The following ZFR2 variants were observed in gnomAD, a reference collection of about 807,000 sequenced individuals.
ZFR2 encodes the protein zinc finger RNA binding protein 2, also known as zinc finger RNA-binding protein 2.
ZFR2 carries 104 observed loss-of-function variants against 105.7 expected under a neutral mutation model. The observed-to-expected ratio is 0.98, with a 90% confidence interval of 0.84 to 1.16. The LOEUF is 1.16. Ranked by LOEUF, ZFR2 falls within the 50% of genes most tolerant of loss-of-function variation. ZFR2 has a pLI of 0.00. For synonymous variants in ZFR2, 634 were observed against 597.7 expected (o/e 1.06, Z -0.89); for missense variants, 1,425 against 1,355.5 (o/e 1.05, Z -0.80).
At chr19:3,815,918 AT>A (rs1207356973) in intron 13 of ZFR2, among the ~76,000 whole-genome samples, 6 of 148,354 alleles carry the variant, frequency 4.0e-5, no homozygotes, top group African/African-American at 9.9e-5. Flanking sequence ...CGCCTGGCTA[AT>A]TTTTTTTTTG....
intron 1 of ZFR2, among the ~76,000 whole-genome samples, chr19:3,842,777 C>A (rs1045616381): frequency 6.6e-6 from 1 of 151,998 alleles, no homozygotes; most frequent in African/African-American, 2.4e-5. Flanking sequence ...GTGCACGCCA[C>A]CAAGCCCAAC....
intron 1 of ZFR2, among the ~76,000 whole-genome samples, chr19:3,841,738 G>C (rs2038135022): frequency 6.6e-6 from 1 of 151,832 alleles, no homozygotes; most frequent in African/African-American, 2.4e-5. Flanking sequence ...CCAGGAGTTT[G>C]AGGCTGCAGT....
At position 3,820,059 on chromosome 19, in the gene ZFR2, G is replaced by A. The variant is rs945816459; in HGVS notation, c.1740+123C>T. The A allele has an allele frequency of 1.6e-4, 154 of 952,454 alleles. No homozygotes were observed. In the African/African-American group the frequency reaches 2.2e-3, roughly 13 times the overall value. 59.0% of individuals were successfully genotyped at this position (952,454 alleles called of 1,614,324 possible). ...TGTGGAGTGAGGAGGCCTGGGCCAT[G>A]GAGCCCCATCCCCTGAGTACTATGT... On this transcript the variant is annotated intron_variant, in intron 11 of 18. Coordinates refer to ENST00000262961, the MANE Select transcript of ZFR2 (RefSeq NM_015174.2).
At chr19:3,809,584 C>T (rs1349816981) in intron 16 of ZFR2, among the ~76,000 whole-genome samples, 4 of 152,168 alleles carry the variant, frequency 2.6e-5, no homozygotes, top group Admixed American at 1.3e-4. Flanking sequence ...AGCCGCACAC[C>T]GGTCACCCAG....
chr19:3,810,949 G>A (rs1178588169), intron 15 of ZFR2, 104 bp from the exon 16 acceptor site: 1 of 1,265,288 alleles, frequency 7.9e-7, no homozygotes, highest in East Asian at 2.7e-5. Flanking sequence ...ATAATAGGGA[G>A]CCTGGCGGGC....
rs1398578296 is a variant in ZFR2, at chr19:3,831,673, G to A, written c.585C>T (p.Cys195=). 1.3e-6 allele frequency: 2 copies of A among 1,557,710 alleles called. No individual in the cohort carries two copies. The highest frequency in any genetic ancestry group is 2.3e-5 in the East Asian group (1 of 43,356). Residue 195 remains cysteine, a synonymous_variant, in exon 4 of 19, where the codon TGC becomes TGT. Transcript: ENST00000262961. ...SYPPPSYNPT[C]TAYTAPSYPN... The stretch of plus-strand genomic sequence containing the variant: ...CGCTGGTCTTACCCGTGTAGGCGGT[G>A]CAGGTGGGGTTGTAGGAGGGCGGGG...
intron 1 of ZFR2, among the ~76,000 whole-genome samples, chr19:3,846,575 T>C (rs1233018906): frequency 6.6e-6 from 1 of 152,174 alleles, no homozygotes; most frequent in Admixed American, 6.6e-5. Flanking sequence ...TAAAGACTGA[T>C]TAGTTACATA....
chr19:3,823,063 G>A lies in ZFR2; in HGVS notation c.1371+183C>T, dbSNP rs939108131. 1.1e-4 allele frequency among the ~76,000 whole-genome samples: 16 copies of A among 152,186 alleles called. No homozygotes were observed. Among genetic ancestry groups the A allele is most frequent in the Non-Finnish European group, 1.9e-4 (13 of 68,030 alleles). On this transcript the variant is annotated intron_variant, in intron 8 of 18. Transcript: ENST00000262961. This position sits in a 1 kb window ranked among gnomAD's most constrained non-coding sequence, Gnocchi z 5.4. ...TCATTTCCTGCTGATACCAAAATCCGGCACCCAAAGTGTCAAGCGGGTCTG... is the reference window on the plus strand; with the variant it reads ...TCATTTCCTGCTGATACCAAAATCCAGCACCCAAAGTGTCAAGCGGGTCTG...
intron 11 of ZFR2, 105 bp downstream of exon 11, chr19:3,820,077 T>C: frequency 2.7e-6 from 3 of 1,119,156 alleles, no homozygotes; most frequent in Non-Finnish European, 3.9e-6. Flanking sequence ...ATCCCCTGAG[T>C]ACTATGTGGG....
intron 1 of ZFR2, among the ~76,000 whole-genome samples, chr19:3,843,759 TGGGA>T (rs1354014169): frequency 2.1e-5 from 3 of 146,024 alleles, no homozygotes; most frequent in African/African-American, 7.6e-5. Context: ...GGCGTGAACC[TGGGA>T]GGCGGAGCTT....
intron 1 of ZFR2, among the ~76,000 whole-genome samples, chr19:3,863,090 C>T (rs1188383985): frequency 2.0e-5 from 3 of 152,182 alleles, no homozygotes; most frequent in East Asian, 1.9e-4. Context: ...GCTCAAAGGA[C>T]GGGGTTGGCC....
chr19:3,843,981 G>A (rs950280167), intron 1 of ZFR2, among the ~76,000 whole-genome samples: 40 of 142,028 alleles, frequency 2.8e-4, no homozygotes, highest in African/African-American at 9.9e-4. Context: ...GTCCCTAGAG[G>A]TGTCAGATTC....
At chr19:3,817,536 G>C (rs2037837986) in intron 12 of ZFR2, among the ~76,000 whole-genome samples, 1 of 148,836 alleles carries the variant, frequency 6.7e-6, no homozygotes, top group Admixed American at 6.8e-5. Flanking sequence ...TCCAGTTTGG[G>C]AGACAGAGCA....
intron 6 of ZFR2, among the ~76,000 whole-genome samples, 189 bp from the exon 7 acceptor site, chr19:3,825,596 T>C (rs1037216669): frequency 6.6e-6 from 1 of 152,150 alleles, no homozygotes; most frequent in East Asian, 1.9e-4. Flanking sequence ...CCAGGTGGCC[T>C]CCTGCCTTGC....
chr19:3,842,092 A>G (rs1026382658), intron 1 of ZFR2, among the ~76,000 whole-genome samples: 11 of 151,658 alleles, frequency 7.3e-5, no homozygotes, highest in Non-Finnish European at 1.5e-4. Context: ...ACCTCACTGC[A>G]GCCTCCAACT....
At chr19:3,821,603 CCTTTTT>C in intron 9 of ZFR2, 124 bp from the exon 10 acceptor site, 2 of 585,982 alleles carry the variant, frequency 3.4e-6, no homozygotes, top group Non-Finnish European at 4.8e-6. Flanking sequence ...TCTCCCAAAG[CCTTTTT>C]TTTTTTTTTT....
intron 13 of ZFR2, among the ~76,000 whole-genome samples, chr19:3,815,391 G>A (rs771052233): frequency 1.3e-5 from 2 of 151,994 alleles, no homozygotes; most frequent in Non-Finnish European, 2.9e-5. Context: ...CGCCAGGCCC[G>A]ATTTTTCTTT....
rs1414350396 is a variant in ZFR2 at position 3,806,128 on chromosome 19, G to A, written c.2644-3C>T. On this transcript the variant is annotated splice_region_variant and splice_polypyrimidine_tract_variant and intron_variant, in intron 18 of 18. Transcript: ENST00000262961. ...AAGGCCAGCATTCGCAGGGCGTGCT[G>A]CGGGGCACACACAGCCTGTCAGGAC... 6.9e-7 allele frequency: 1 copy of A among 1,440,714 alleles called. No homozygotes were observed. The highest frequency in any genetic ancestry group is 9.1e-7 in the Non-Finnish European group (1 of 1,097,100). 89.2% of individuals were successfully genotyped at this position (1,440,714 alleles called of 1,614,324 possible).
intron 1 of ZFR2, among the ~76,000 whole-genome samples, chr19:3,867,306 G>GGGGA (rs1555762889): frequency 3.3e-5 from 5 of 150,872 alleles, no homozygotes; most frequent in Admixed American, 2.0e-4. Flanking sequence ...TCAACTGTTG[G>GGGGA]GGGGGGAATC....
Sources: allele counts gnomAD v4.1 joint callset (sites outside exome capture counted in the v4.1 genomes callset), GRCh38; gene constraint gnomAD v4.1.1; non-coding constraint Gnocchi (gnomAD v3.1); transcripts MANE v1.5; gene names NCBI Gene and HGNC (gene_info 2026-07-23, HGNC 2026-07-21).